The following CUBN variants were observed in gnomAD, a reference collection of about 807,000 sequenced individuals.
CUBN encodes 460 kDa receptor.
Under a neutral mutation model 405.3 loss-of-function variants are expected in CUBN, and 282 were observed. The ratio of observed to expected loss-of-function variants is 0.70; its 90% confidence interval spans 0.63 to 0.77. The LOEUF is 0.77. Among genes scored for constraint, CUBN ranks in the 30% least tolerant of loss-of-function variants. The pLI is 0.00. For missense variants in CUBN, 4,514 were observed against 4,475.2 expected (o/e 1.01, Z -0.25); for synonymous variants, 1,684 against 1,617.0 (o/e 1.04, Z -0.99).
At chr10:16,889,552 C>T (rs1398182355) in intron 55 of CUBN, among the ~76,000 whole-genome samples, 2 of 151,984 alleles carry the variant, frequency 1.3e-5, no homozygotes, top group Non-Finnish European at 2.9e-5. Context: ...AAGAACATTC[C>T]CAAAGAAACT....
At chr10:16,882,432 G>C (rs1052933526) in intron 56 of CUBN, among the ~76,000 whole-genome samples, 8 of 152,198 alleles carry the variant, frequency 5.3e-5, no homozygotes, top group African/African-American at 1.7e-4. Flanking sequence ...ATACCATGCA[G>C]TAAAATTTAA....
At position 17,127,861 on chromosome 10, in the gene CUBN, T is replaced by G; in HGVS notation, c.316A>C (p.Ile106Leu). Reference protein sequence around the residue: ...KGSAIGLPQNISSQIYQLNSK... With the variant: ...KGSAIGLPQNLSSQIYQLNSK... ...TTAAGCTGATAGATTTGACTAGATA[T>G]ATTTTGAGGCAGACCAATTGCACTC... Residue 106 changes from isoleucine to leucine, a missense_variant, in exon 3 of 67, where the codon ATA becomes CTA. Physicochemically the swap from Ile to Leu is conservative, Grantham distance 5 (BLOSUM62 2). Transcript: ENST00000377833. The G allele has an allele frequency of 6.2e-7, 1 of 1,613,264 alleles. No individual in the cohort carries two copies. Among genetic ancestry groups the G allele is most frequent in the African/African-American group, 1.3e-5 (1 of 75,050 alleles).
chr10:17,085,620 T>C lies in CUBN; in HGVS notation c.2087A>G (p.His696Arg), dbSNP rs760016108. ...ACAAGGTGATGTTAAGTAGGTGATA[T>C]GGAAGCCTTGGTCACTAATCTGGGA... ...SDSQISDQGF[H>R]ITYLTSPSDL... Residue 696 changes from histidine to arginine, a missense_variant, in exon 16 of 67, where the codon CAT (histidine) becomes CGT (arginine). His to Arg is a conservative substitution (Grantham distance 29, BLOSUM62 0). Transcript: ENST00000377833. 3.7e-6 allele frequency: 6 copies of C among 1,614,062 alleles called. No homozygotes were observed. In the Admixed American group the frequency reaches 5.0e-5, roughly 13 times the overall value.
At chr10:17,019,294 C>A (rs1054878441) in intron 28 of CUBN, among the ~76,000 whole-genome samples, 33 of 152,260 alleles carry the variant, frequency 2.2e-4, no homozygotes, top group African/African-American at 7.5e-4. Flanking sequence ...TCCAGATGTG[C>A]CCCTTCCTGT....
chr10:16,858,067 CA>C (rs796553770), intron 59 of CUBN, among the ~76,000 whole-genome samples: 1 of 151,658 alleles, frequency 6.6e-6, no homozygotes, highest in African/African-American at 2.4e-5. Flanking sequence ...ATAATCATTA[CA>C]AAAAAATGAA....
intron 37 of CUBN, 127 bp downstream of exon 37, chr10:16,939,905 C>G (rs1417116737): frequency 2.2e-6 from 2 of 912,696 alleles, no homozygotes; most frequent in East Asian, 2.4e-5. Flanking sequence ...AGGTAATTCA[C>G]AAAGACAATG....
chr10:16,947,937 G>A (rs569112949), intron 35 of CUBN, among the ~76,000 whole-genome samples: 2 of 152,330 alleles, frequency 1.3e-5, no homozygotes, highest in South Asian at 4.1e-4. Context: ...CAGGGTGAGC[G>A]AGGTGGCTCA....
chr10:16,973,719 C>A (rs529693756), intron 31 of CUBN, among the ~76,000 whole-genome samples: 2 of 152,298 alleles, frequency 1.3e-5, no homozygotes, highest in African/African-American at 4.8e-5. Context: ...TTAGCTCCCA[C>A]TCCTGAGTGA....
chr10:16,931,262 T>G (rs1842356979), intron 40 of CUBN, among the ~76,000 whole-genome samples: 1 of 143,128 alleles, frequency 7.0e-6, no homozygotes, highest in Admixed American at 6.9e-5. Context: ...AGACTCCGTC[T>G]CAAAAAAAAA....
chr10:16,884,529 A>G (rs1185656568), intron 56 of CUBN, among the ~76,000 whole-genome samples: 2 of 152,222 alleles, frequency 1.3e-5, no homozygotes, highest in African/African-American at 2.4e-5. Context: ...GAGGACAAAC[A>G]TCAATGGTCT....
chr10:16,839,254 T>C (rs1352510676), intron 62 of CUBN, among the ~76,000 whole-genome samples: 3 of 152,096 alleles, frequency 2.0e-5, no homozygotes, highest in Non-Finnish European at 2.9e-5. Context: ...ACATGAAGCT[T>C]TGAGAGCTCT....
At chr10:17,042,218 T>C (rs958428297) in intron 26 of CUBN, among the ~76,000 whole-genome samples, 3 of 152,206 alleles carry the variant, frequency 2.0e-5, no homozygotes, top group Admixed American at 6.5e-5. Flanking sequence ...TGAAAATCTT[T>C]AGGTCACAGT....
intron 28 of CUBN, among the ~76,000 whole-genome samples, chr10:16,996,139 G>A (rs1276709): frequency 0.44 from 67,438 of 151,956 alleles, 16,287 homozygotes; most frequent in Middle Eastern, 0.55. Context: ...TCCCTCCACT[G>A]AAGACAATCA....
In CUBN at chr10:17,105,541, A is replaced by G. The variant is rs754819478; in HGVS notation, c.1146T>C (p.Tyr382=). 1.9e-6 allele frequency: 3 copies of G among 1,611,030 alleles called. No individual in the cohort carries two copies. The South Asian group carries it at 3.3e-5, about 18-fold the overall frequency. ...CATTTGGCCCATAACCATTTCCAGT[A>G]TAACCCGGGAGACACGTGCAGAGAG... ...SLPLCTCLPG[Y]TGNGYGPNGC... Residue 382 remains tyrosine (Y), a synonymous_variant, in exon 11 of 67, where the codon TAT becomes TAC. Coordinates refer to ENST00000377833, the MANE Select transcript of CUBN (RefSeq NM_001081.4).
intron 22 of CUBN, among the ~76,000 whole-genome samples, chr10:17,056,247 T>TAACTC (rs1312928273): frequency 6.6e-6 from 1 of 152,048 alleles, no homozygotes; most frequent in African/African-American, 2.4e-5. Context: ...CTTGGACACA[T>TAACTC]AACTCACACC....
rs142481042 is a variant in CUBN, at chr10:16,831,346, G to C, written c.10434C>G (p.Val3478=). The C allele has an allele frequency of 6.2e-7, 1 of 1,613,862 alleles. No homozygotes were observed. The highest frequency in any genetic ancestry group is 1.3e-5 in the African/African-American group (1 of 75,032). The change falls in exon 65 of 67, where the codon GTC becomes GTG. Residue 3478 remains valine (V), a synonymous_variant. Coordinates refer to ENST00000377833, the MANE Select transcript of CUBN (RefSeq NM_001081.4). ...GGTATAGTTCATTATTTTGAGAGAAGACAGGGTTTGGCAGCAGAGTTCCAC... is the reference window on the plus strand; with the variant it reads ...GGTATAGTTCATTATTTTGAGAGAACACAGGGTTTGGCAGCAGAGTTCCAC... ...KYCGTLLPNP[V]FSQNNELYLR... is the part of the protein sequence containing the mutation.
intron 35 of CUBN, among the ~76,000 whole-genome samples, chr10:16,948,257 G>GA (rs1842837086): frequency 6.6e-6 from 1 of 152,142 alleles, no homozygotes; most frequent in East Asian, 1.9e-4. Context: ...GCATGTAGCT[G>GA]AAAAGACAGC....
chr10:16,983,615 C>T (rs971351023), intron 30 of CUBN, among the ~76,000 whole-genome samples: 1 of 152,222 alleles, frequency 6.6e-6, no homozygotes, highest in Non-Finnish European at 1.5e-5. Context: ...ATGCTAACAT[C>T]TGTTACACTA....
rs1205845404 is a variant in CUBN at position 16,915,937 on chromosome 10, C to A, written c.7094G>T (p.Trp2365Leu). 1 of 1,614,094 alleles carries A rather than the reference C, an allele frequency of 6.2e-7. No individual in the cohort carries two copies. The highest frequency in any genetic ancestry group is 8.5e-7 in the Non-Finnish European group (1 of 1,179,976). Residue 2365 changes from tryptophan (W) to leucine (L), a missense_variant, in exon 46 of 67, where the codon TGG becomes TTG. Around this residue, in one of 5 missense-constraint regions of CUBN, gnomAD observed 1,613 missense variants for 1,542.8 expected, o/e 1.05. Coordinates refer to ENST00000377833, the MANE Select transcript of CUBN (RefSeq NM_001081.4). ...LPYRDNLFCE[W>L]HLQGLSGHYL... ...GTGTCCAGAGAGCCCCTGGAGATGC[C>A]ACTCACAGAATAAGTTGTCTCTGTA...
Sources: gnomAD v4.1 joint callset for allele counts (sites outside exome capture counted in the v4.1 genomes callset) on GRCh38, gnomAD v4.1.1 for gene constraint, gnomAD v4.1.1 regional missense constraint, MANE v1.5 for transcripts, NCBI Gene and HGNC (gene_info 2026-07-23, HGNC 2026-07-21) for gene names.